GINM1: variants seen among roughly 807,000 people sequenced by gnomAD.
The protein encoded by GINM1 is glycoprotein integral membrane protein 1.
In GINM1, 29 loss-of-function variants were observed where a neutral mutation model predicts 37.8. The observed-to-expected ratio is 0.77, with a 90% CI of 0.57 to 1.05. The LOEUF (loss-of-function observed/expected upper bound fraction) is 1.05, where lower values mean the gene tolerates loss of function less well. Among genes scored for constraint, GINM1 ranks in the 50% least tolerant of loss-of-function variants. The pLI is 0.00. For synonymous variants in GINM1, 143 were observed against 146.2 expected (o/e 0.98, Z 0.16); for missense variants, 377 against 397.9 (o/e 0.95, Z 0.45).
At chr6:149,577,499 A>G (rs1172451896) in intron 3 of GINM1, 1 of 152,814 alleles carries the variant, frequency 6.5e-6, no homozygotes, top group Admixed American at 6.5e-5. Flanking sequence ...GTGCCACTAA[A>G]GGTGTGTGAG....
At chr6:149,590,499 A>C (rs1321448864) in intron 7 of GINM1, among the ~76,000 whole-genome samples, 1 of 152,114 alleles carries the variant, frequency 6.6e-6, no homozygotes, top group African/African-American at 2.4e-5. Context: ...TTCTTCCCTA[A>C]AATAGGAAAT....
chr6:149,580,510 C>A, intron 5 of GINM1, 83 bp from the exon 6 acceptor site: 1 of 1,242,144 alleles, frequency 8.1e-7, no homozygotes, highest in Non-Finnish European at 1.1e-6. Flanking sequence ...TCTTACTATC[C>A]TAAATGCTAT....
rs749425002 is a variant in GINM1, at chr6:149,578,919, C to T, written c.375C>T (p.Ser125=). The change falls in exon 4 of 8, where the codon TCC becomes TCT. Residue 125 remains serine, a synonymous_variant. Transcript: ENST00000367419. ...ATGAGTGGCCTATGACATCTGGTTCCAGTTTGCAACTAATTGTCATTCAAG... is the reference window on the plus strand; with the variant it reads ...ATGAGTGGCCTATGACATCTGGTTCTAGTTTGCAACTAATTGTCATTCAAG... ...LVHEWPMTSG[S]SLQLIVIQEE... 2 of 1,605,194 alleles carry T rather than the reference C, an allele frequency of 1.2e-6. No homozygotes were observed. The highest frequency in any genetic ancestry group is 4.5e-5 in the East Asian group (2 of 44,746).
rs188261374 is a variant in GINM1 at position 149,580,624 on chromosome 6, G to A, written c.618G>A (p.Gln206=). The change falls in exon 6 of 8, where the codon CAG becomes CAA. Residue 206 remains glutamine, a synonymous_variant. Transcript: ENST00000367419. The part of the protein sequence containing the change: ...ESVSSLQTTS[Q]YLIRNVETTV... ...TTAGTTCACTGCAAACCACTAGCCA[G>A]TATCTTATCAGGAATGTGGAAACCA... 1 of 1,613,694 alleles carries A rather than the reference G, an allele frequency of 6.2e-7. No individual in the cohort carries two copies. The highest frequency in any genetic ancestry group is 2.2e-5 in the East Asian group (1 of 44,854).
rs1488937700 is a variant in GINM1 at position 149,566,403 on chromosome 6, G to A, written c.-12G>A. 1.9e-6 allele frequency: 3 copies of A among 1,542,548 alleles called. No individual in the cohort carries two copies. Among genetic ancestry groups the A allele is most frequent in the African/African-American group, 2.9e-5 (2 of 69,994 alleles). ...TCCCGGCCGCGGCTGCCCTCTGCCC[G>A]GGTTGTCCAAGATGGAGGGCGCTCC... On this transcript the variant is annotated 5_prime_UTR_variant, in exon 1 of 8. Transcript: ENST00000367419. The surrounding 1 kb of genome is among the most constrained non-coding windows in gnomAD (Gnocchi z 4.4).
At chr6:149,568,684 A>T (rs535946456) in intron 1 of GINM1, among the ~76,000 whole-genome samples, 2 of 152,382 alleles carry the variant, frequency 1.3e-5, no homozygotes, top group South Asian at 4.1e-4. Context: ...TTCCAGTCTG[A>T]TATAAATTAA....
In GINM1 at chr6:149,578,948, A is replaced by T. The variant is rs748594378; in HGVS notation, c.404A>T (p.Glu135Val). 1 of 1,597,124 alleles carries T rather than the reference A, an allele frequency of 6.3e-7. No individual in the cohort carries two copies. The highest frequency in any genetic ancestry group is 1.7e-5 in the Admixed American group (1 of 58,248). Residue 135 changes from glutamate to valine, a missense_variant, in exon 4 of 8, where the codon GAG (glutamate) becomes GTG (valine). Glu to Val is a moderately radical substitution (Grantham distance 121). Coordinates refer to ENST00000367419, the MANE Select transcript of GINM1 (RefSeq NM_138785.5). ...TTGCAACTAATTGTCATTCAAGAAG[A>T]GGTAGTAGAGATTGATGGAAAACAA... ...SSLQLIVIQE[E>V]VVEIDGKQVQ...
chr6:149,578,952 A>C lies in GINM1; in HGVS notation c.408A>C (p.Val136=). ...SLQLIVIQEE[V]VEIDGKQVQQ... is the part of the protein sequence containing the mutation. ...AACTAATTGTCATTCAAGAAGAGGT[A>C]GTAGAGATTGATGGAAAACAAGTAA... The change falls in exon 4 of 8, where the codon GTA becomes GTC. Residue 136 remains valine (V), a synonymous_variant. Transcript: ENST00000367419. 2 of 1,594,740 alleles carry C rather than the reference A, an allele frequency of 1.3e-6. No individual in the cohort carries two copies. The highest frequency in any genetic ancestry group is 1.7e-6 in the Non-Finnish European group (2 of 1,167,350).
chr6:149,580,087 G>A (rs1777976940), intron 5 of GINM1, 97 bp downstream of exon 5: 21 of 765,688 alleles, frequency 2.7e-5, no homozygotes, highest in Non-Finnish European at 3.9e-5. Context: ...TACACTATTT[G>A]CAAAAGTTGC....
At chr6:149,590,311 C>T (rs1778135055) in intron 7 of GINM1, among the ~76,000 whole-genome samples, 1 of 152,146 alleles carries the variant, frequency 6.6e-6, no homozygotes, top group African/African-American at 2.4e-5. Flanking sequence ...AGATTCAATC[C>T]AAAGACGTAC....
chr6:149,570,191 T>G (rs571400130), intron 1 of GINM1, among the ~76,000 whole-genome samples: 1 of 97,572 alleles, frequency 1.0e-5, no homozygotes, highest in African/African-American at 3.8e-5. Flanking sequence ...TATATATATA[T>G]ATATATAAAG....
intron 6 of GINM1, among the ~76,000 whole-genome samples, chr6:149,581,653 G>T (rs537459021): frequency 4.6e-5 from 7 of 152,318 alleles, no homozygotes; most frequent in African/African-American, 1.4e-4. Context: ...TAATTTCTCA[G>T]ATGTTACCTG....
chr6:149,572,042 C>T (rs1400167082), intron 1 of GINM1, among the ~76,000 whole-genome samples: 1 of 151,814 alleles, frequency 6.6e-6, no homozygotes, highest in Non-Finnish European at 1.5e-5. Context: ...GATTGCGGTA[C>T]TGCACTCCAG....
chr6:149,576,085 C>G (rs773046485), intron 3 of GINM1: 1 of 152,144 alleles, frequency 6.6e-6, no homozygotes, highest in Non-Finnish European at 1.5e-5. Flanking sequence ...TTCATAGTTT[C>G]TGTAGGTCGA....
At chr6:149,584,112 A>G (rs1778037727) in intron 7 of GINM1, among the ~76,000 whole-genome samples, 1 of 151,990 alleles carries the variant, frequency 6.6e-6, no homozygotes, top group Admixed American at 6.6e-5. Context: ...AGTAGCTGGG[A>G]TTACAGGCAT....
chr6:149,584,466 A>G (rs1192416980), intron 7 of GINM1: 4 of 152,152 alleles, frequency 2.6e-5, no homozygotes, highest in African/African-American at 9.7e-5. Flanking sequence ...CTTCAGGTGT[A>G]ATGATGAACT....
intron 2 of GINM1, 27 bp from the exon 3 acceptor site, chr6:149,572,480 T>G (rs754702584): frequency 7.3e-7 from 1 of 1,376,874 alleles, no homozygotes; most frequent in South Asian, 1.2e-5. Flanking sequence ...AATATTGGAA[T>G]TAATGTATAT....
intron 1 of GINM1, among the ~76,000 whole-genome samples, chr6:149,569,116 C>T (rs1376259253): frequency 6.6e-6 from 1 of 152,166 alleles, no homozygotes; most frequent in African/African-American, 2.4e-5. Flanking sequence ...CAACTTCTGC[C>T]TCCTGGGTTC....
intron 1 of GINM1, among the ~76,000 whole-genome samples, chr6:149,571,982 G>A (rs1777830183): frequency 2.0e-5 from 3 of 152,064 alleles, no homozygotes; most frequent in Non-Finnish European, 4.4e-5. Flanking sequence ...TCGGGAGGCT[G>A]AGGCAGGAGA....
Sources: gnomAD v4.1 joint callset for allele counts (sites outside exome capture counted in the v4.1 genomes callset) on GRCh38, gnomAD v4.1.1 for gene constraint, Gnocchi (gnomAD v3.1) non-coding constraint, MANE v1.5 for transcripts, NCBI Gene and HGNC (gene_info 2026-07-23, HGNC 2026-07-21) for gene names.